The following ALS2 variants were observed in gnomAD, a reference collection of about 807,000 sequenced individuals.
ALS2 encodes alsin Rho guanine nucleotide exchange factor ALS2, also known as alsin.
A neutral mutation model predicts 203.4 loss-of-function variants in ALS2; 117 were observed. The observed-to-expected ratio is 0.58, with a 90% confidence interval of 0.50 to 0.67. The LOEUF (loss-of-function observed/expected upper bound fraction) is 0.67, where lower values mean the gene tolerates loss of function less well. Among genes scored for constraint, ALS2 ranks in the 30% least tolerant of loss-of-function variants. The pLI, the probability that ALS2 is intolerant of heterozygous loss-of-function variation, is 0.00. For synonymous variants in ALS2, 718 were observed against 725.9 expected (o/e 0.99, Z 0.17); for missense variants, 1,715 against 1,989.4 (o/e 0.86, Z 2.62).
chr2:201,704,650 A>G, intron 31 of ALS2, 47 bp from the exon 32 acceptor site: 1 of 1,610,574 alleles, frequency 6.2e-7, no homozygotes, highest in Non-Finnish European at 8.5e-7. Flanking sequence ...TTTTCTTAAT[A>G]AAGCCATTTG....
chr2:201,735,080 CTATACT>C (rs1691794594), intron 12 of ALS2, among the ~76,000 whole-genome samples: 1 of 152,092 alleles, frequency 6.6e-6, no homozygotes, highest in Non-Finnish European at 1.5e-5. Flanking sequence ...CTTGAAAATA[CTATACT>C]TAAAGAAATA....
At chr2:201,767,016 A>T (rs1011035506) in intron 3 of ALS2, among the ~76,000 whole-genome samples, 41 of 151,628 alleles carry the variant, frequency 2.7e-4, no homozygotes, top group African/African-American at 9.4e-4. Flanking sequence ...TGGGTGCAGC[A>T]TACCAACATG....
intron 11 of ALS2, among the ~76,000 whole-genome samples, chr2:201,740,356 T>C (rs1402879375): frequency 6.6e-6 from 1 of 152,054 alleles, no homozygotes; most frequent in Non-Finnish European, 1.5e-5. Context: ...TAAACCCAAA[T>C]ATTTTACTTG....
chr2:201,710,125 A>G, intron 26 of ALS2, 87 bp from the exon 27 acceptor site: 1 of 1,485,654 alleles, frequency 6.7e-7, no homozygotes, highest in Non-Finnish European at 9.3e-7. Flanking sequence ...CATAAATGAC[A>G]CACAATTGTC....
At chr2:201,769,922 T>C (rs1237444056) in intron 1 of ALS2, among the ~76,000 whole-genome samples, 1 of 152,208 alleles carries the variant, frequency 6.6e-6, no homozygotes, top group Non-Finnish European at 1.5e-5. Flanking sequence ...CATCTGTACA[T>C]CTGAAGAAAA....
chr2:201,723,264 T>G, intron 22 of ALS2, 66 bp downstream of exon 22: 2 of 1,451,904 alleles, frequency 1.4e-6, no homozygotes, highest in Middle Eastern at 1.7e-4. Flanking sequence ...AAAAGATGAT[T>G]TAAAAAGTTA....
intron 1 of ALS2, among the ~76,000 whole-genome samples, chr2:201,775,857 G>A (rs1694633106): frequency 6.6e-6 from 1 of 152,182 alleles, no homozygotes; most frequent in Admixed American, 6.5e-5. Context: ...TTACTAATAG[G>A]ATATGCACTA....
chr2:201,703,125 A>C (rs1689491213), intron 33 of ALS2, among the ~76,000 whole-genome samples: 1 of 152,154 alleles, frequency 6.6e-6, no homozygotes, highest in Admixed American at 6.5e-5. Context: ...CAAAAAAAAG[A>C]AGCATTAATG....
chr2:201,767,226 T>C lies in ALS2; in HGVS notation c.175+3A>G, dbSNP rs1276465570. ...GTATTTGTTACGCCATTCTTTTCAT[T>C]ACCTTCAGTCAGAAGAACTCCATGT... On this transcript the variant is annotated splice_donor_region_variant and intron_variant, in intron 3 of 33. Coordinates refer to ENST00000264276, the MANE Select transcript of ALS2 (RefSeq NM_020919.4). The C allele has an allele frequency of 1.2e-6, 2 of 1,614,078 alleles. No individual in the cohort carries two copies. The highest frequency in any genetic ancestry group is 4.5e-5 in the East Asian group (2 of 44,868).
At chr2:201,722,527 T>C (rs1690872240) in intron 23 of ALS2, 1 of 153,264 alleles carries the variant, frequency 6.5e-6, no homozygotes, top group African/African-American at 2.4e-5. Flanking sequence ...CACAAGAAAC[T>C]GCATTCAAAA....
At chr2:201,778,483 A>G (rs1415611618) in intron 1 of ALS2, 1 of 152,200 alleles carries the variant, frequency 6.6e-6, no homozygotes, top group African/African-American at 2.4e-5. Flanking sequence ...ACATCAAGAC[A>G]TAAGCTAAAG....
At chr2:201,757,185 G>C (rs1391562226) in intron 5 of ALS2, among the ~76,000 whole-genome samples, 1 of 152,116 alleles carries the variant, frequency 6.6e-6, no homozygotes, top group Non-Finnish European at 1.5e-5. Flanking sequence ...TTCATAAGCA[G>C]GAGCAAACAT....
intron 9 of ALS2, among the ~76,000 whole-genome samples, chr2:201,745,920 G>A (rs1426195104): frequency 6.6e-6 from 1 of 152,122 alleles, no homozygotes; most frequent in African/African-American, 2.4e-5. Context: ...CTGCACTCCA[G>A]CCTGGGCAAC....
chr2:201,769,400 T>C (rs908753229), intron 1 of ALS2, among the ~76,000 whole-genome samples: 17 of 152,348 alleles, frequency 1.1e-4, no homozygotes, highest in African/African-American at 3.8e-4. Context: ...GTAGTTTTAA[T>C]TTATACTTTT....
intron 23 of ALS2, among the ~76,000 whole-genome samples, chr2:201,720,964 C>A (rs770291635): frequency 6.6e-6 from 1 of 151,848 alleles, no homozygotes; most frequent in Non-Finnish European, 1.5e-5. Context: ...ACAAAAAAAA[C>A]CACTAAAACT....
chr2:201,776,962 A>G (rs753959073), intron 1 of ALS2, among the ~76,000 whole-genome samples: 1 of 152,222 alleles, frequency 6.6e-6, no homozygotes, highest in African/African-American at 2.4e-5. Flanking sequence ...CAGGTTACTT[A>G]CTAATATCTA....
chr2:201,703,824 T>C (rs1689526856), intron 33 of ALS2, among the ~76,000 whole-genome samples: 1 of 152,232 alleles, frequency 6.6e-6, no homozygotes, highest in African/African-American at 2.4e-5. Flanking sequence ...AAGAATCCTT[T>C]CTGTTTCTTT....
rs557888901 is a variant in ALS2, at chr2:201,754,042, A to G, written c.1640+461T>C. Reference sequence around the variant, plus strand: ...TTTTTTTTTTTGAGATAAGAGTTTCATTCTTTTGCCCAGGCTGAAGTGAAG... The same window carrying G: ...TTTTTTTTTTTGAGATAAGAGTTTCGTTCTTTTGCCCAGGCTGAAGTGAAG... On this transcript the variant is annotated intron_variant, in intron 6 of 33. Transcript: ENST00000264276. 2.8e-5 allele frequency among the ~76,000 whole-genome samples: 4 copies of G among 141,124 alleles called. No homozygotes were observed. The South Asian group carries it at 8.8e-4, about 31-fold the overall frequency. 92.6% of individuals were successfully genotyped at this position (141,124 alleles called of 152,430 possible).
chr2:201,727,486 T>C lies in ALS2; in HGVS notation c.2913-208A>G, dbSNP rs1237057040. Among the ~76,000 whole-genome samples, 4 of 152,222 alleles carry C rather than the reference T, an allele frequency of 2.6e-5. 1 individual carries two copies. Among genetic ancestry groups the C allele is most frequent in the African/African-American group, 9.6e-5 (4 of 41,462 alleles). ...ACGATGGGGATGTGTGCAATGAAGA[T>C]GCCCTTTCATCACCTAATCGTGACT... On this transcript the variant is annotated intron_variant, in intron 16 of 33. Coordinates refer to ENST00000264276, the MANE Select transcript of ALS2 (RefSeq NM_020919.4).
Sources: allele counts gnomAD v4.1 joint callset (sites outside exome capture counted in the v4.1 genomes callset), GRCh38; gene constraint gnomAD v4.1.1; transcripts MANE v1.5; gene names NCBI Gene and HGNC (gene_info 2026-07-23, HGNC 2026-07-21).